CEP63: variants seen among roughly 807,000 people sequenced by gnomAD.
CEP63 encodes the protein centrosomal protein 63, also known as centrosomal protein of 63 kDa.
A neutral mutation model predicts 89.1 loss-of-function variants in CEP63; 84 were observed. The observed-to-expected ratio is 0.94, with a 90% CI of 0.79 to 1.13. The LOEUF (loss-of-function observed/expected upper bound fraction) is 1.13, where lower values mean the gene tolerates loss of function less well. CEP63 is among the 50% of genes most tolerant of loss of function. The pLI is 0.00. For missense variants in CEP63, 838 were observed against 813.3 expected (o/e 1.03, Z -0.37); for synonymous variants, 267 against 272.5 (o/e 0.98, Z 0.20).
At chr3:134,701,508 TA>T in the CEP63 span, among the ~76,000 whole-genome samples, 1 of 149,946 alleles carries the variant, frequency 6.7e-6, no homozygotes, top group African/African-American at 2.5e-5. Flanking sequence ...TATATATATT[TA>T]AAAAACTTCT....
intron 2 of CEP63, among the ~76,000 whole-genome samples, chr3:134,504,795 TTTTATTC>T (rs1207300872): frequency 1.3e-5 from 2 of 152,156 alleles, no homozygotes; most frequent in Non-Finnish European, 2.9e-5. Flanking sequence ...CTTTTTTCTT[TTTTATTC>T]TTTATTCTTT....
At chr3:134,499,982 C>G (rs1391438776) in intron 2 of CEP63, among the ~76,000 whole-genome samples, 2 of 152,008 alleles carry the variant, frequency 1.3e-5, no homozygotes, top group African/African-American at 4.8e-5. Context: ...CACCACCATG[C>G]CCAGCTAATT....
the CEP63 span, among the ~76,000 whole-genome samples, chr3:134,732,154 T>C: frequency 1.9e-3 from 295 of 152,302 alleles, 3 homozygotes; most frequent in African/African-American, 6.6e-3. Flanking sequence ...TCTCATCATC[T>C]GTAAAGAAAC....
At chr3:134,687,473 G>T in the CEP63 span, among the ~76,000 whole-genome samples, 1 of 152,122 alleles carries the variant, frequency 6.6e-6, no homozygotes, top group Non-Finnish European at 1.5e-5. Context: ...TTGCTGTGGG[G>T]TTTTCTCCAG....
chr3:134,534,361 C>A (rs921613565), intron 5 of CEP63, among the ~76,000 whole-genome samples: 4 of 152,154 alleles, frequency 2.6e-5, no homozygotes, highest in Non-Finnish European at 5.9e-5. Flanking sequence ...ATATATGCCA[C>A]CCCTCTAGAA....
the CEP63 span, among the ~76,000 whole-genome samples, chr3:134,715,524 TTTTGTTTTTTTTTG>T: frequency 2.1e-3 from 47 of 21,890 alleles, 1 homozygote; most frequent in African/African-American, 6.6e-3. Flanking sequence ...GGTTTTTTTT[TTTTGTTTTTTTTTG>T]TTTTTTCCTC....
At chr3:134,741,243 T>A in the CEP63 span, among the ~76,000 whole-genome samples, 1 of 152,188 alleles carries the variant, frequency 6.6e-6, no homozygotes, top group African/African-American at 2.4e-5. Context: ...GAGAACTTGG[T>A]TTCTTCGGTC....
chr3:134,571,679 T>TCAACAA (rs772911275), intron 11 of CEP63, among the ~76,000 whole-genome samples: 4 of 151,800 alleles, frequency 2.6e-5, no homozygotes, highest in African/African-American at 7.3e-5. Flanking sequence ...AGACTCTGTC[T>TCAACAA]CAACAACAAC....
chr3:134,699,135 G>A, the CEP63 span, among the ~76,000 whole-genome samples: 7 of 152,350 alleles, frequency 4.6e-5, no homozygotes, highest in South Asian at 1.4e-3. Context: ...TCAGGAGAGT[G>A]TGGACTGCCC....
the CEP63 span, among the ~76,000 whole-genome samples, chr3:134,613,933 GT>G: frequency 2.6e-5 from 4 of 152,196 alleles, no homozygotes; most frequent in African/African-American, 9.7e-5. Context: ...CACACACTGT[GT>G]ATAAAGCACT....
the CEP63 span, among the ~76,000 whole-genome samples, chr3:134,663,869 AGAG>A: frequency 6.6e-6 from 1 of 152,188 alleles, no homozygotes; most frequent in Non-Finnish European, 1.5e-5. Flanking sequence ...TGCCAGGAAG[AGAG>A]GAGGGAAATC....
At chr3:134,767,642 G>C in the CEP63 span, among the ~76,000 whole-genome samples, 1 of 152,180 alleles carries the variant, frequency 6.6e-6, no homozygotes, top group African/African-American at 2.4e-5. Context: ...CCTGCAGATG[G>C]GGTCCTAGTC....
intron 13 of CEP63, among the ~76,000 whole-genome samples, chr3:134,558,700 T>C (rs895255995): frequency 2.0e-5 from 3 of 152,194 alleles, no homozygotes; most frequent in South Asian, 2.1e-4. Flanking sequence ...GTCAATTTGT[T>C]ATAGGCTGTT....
intron 6 of CEP63, among the ~76,000 whole-genome samples, chr3:134,537,997 T>A (rs1005192501): frequency 6.6e-6 from 1 of 152,168 alleles, no homozygotes; most frequent in African/African-American, 2.4e-5. Flanking sequence ...CATATTCAGC[T>A]CATTCCTTTT....
intron 3 of CEP63, among the ~76,000 whole-genome samples, chr3:134,518,709 A>G (rs182343294): frequency 1.7e-4 from 26 of 152,242 alleles, no homozygotes; most frequent in Admixed American, 5.9e-4. Context: ...TATATATATT[A>G]GAAAGGCTGA....
At chr3:134,659,614 C>T in the CEP63 span, among the ~76,000 whole-genome samples, 1 of 152,196 alleles carries the variant, frequency 6.6e-6, no homozygotes, top group Non-Finnish European at 1.5e-5. Flanking sequence ...GAAATGTGGG[C>T]CAGCCACTCG....
At chr3:134,746,896 A>G in the CEP63 span, among the ~76,000 whole-genome samples, 48 of 152,142 alleles carry the variant, frequency 3.2e-4, no homozygotes, top group African/African-American at 1.1e-3. Context: ...CTCTGATGGC[A>G]GTTTCTTTTG....
At chr3:134,586,666 G>T (rs115578093) in intron 10 of CEP63, among the ~76,000 whole-genome samples, 6,208 of 151,944 alleles carry the variant, frequency 0.041, 193 homozygotes, top group Non-Finnish European at 0.062. Flanking sequence ...ACAATTATTG[G>T]TCTTGGGGTT....
At chr3:134,493,544 ATCC>A (rs1938514797) in intron 1 of CEP63, among the ~76,000 whole-genome samples, 1 of 152,092 alleles carries the variant, frequency 6.6e-6, no homozygotes, top group Non-Finnish European at 1.5e-5. Flanking sequence ...TAGAAAAAAA[ATCC>A]TCCCTGTCAC....
Sources: gnomAD v4.1 joint callset for allele counts (sites outside exome capture counted in the v4.1 genomes callset) on GRCh38, gnomAD v4.1.1 for gene constraint, MANE v1.5 for transcripts, NCBI Gene and HGNC (gene_info 2026-07-23, HGNC 2026-07-21) for gene names.